COL4A6: variants seen among roughly 807,000 people sequenced by gnomAD.
COL4A6 encodes the protein collagen alpha-6(IV) chain.
Under a neutral mutation model 126.7 loss-of-function variants are expected in COL4A6, and 59 were observed. The observed-to-expected ratio is 0.47, with a 90% CI of 0.38 to 0.58. The LOEUF (loss-of-function observed/expected upper bound fraction) is 0.58, where lower values mean the gene tolerates loss of function less well. Among genes scored for constraint, COL4A6 ranks in the 20% least tolerant of loss-of-function variants. The probability of loss-of-function intolerance (pLI) is 0.00; values close to 1 mark genes in which losing one functional copy is unlikely to be tolerated. For missense variants in COL4A6, 1,285 were observed against 1,337.3 expected, an observed-to-expected ratio of 0.96 and a Z score of 0.61; for synonymous variants, 547 against 496.6, an observed-to-expected ratio of 1.10 and a Z score of -1.35.
Position 108,161,608 on chromosome X carries a change from C to CAAAAA in COL4A6, c.4333+10_4333+11insTTTTT. 1 of 689,105 alleles carries CAAAAA rather than the reference C, an allele frequency of 1.5e-6. No individual in the cohort carries two copies. The highest frequency in any genetic ancestry group is 2.1e-6 in the Non-Finnish European group (1 of 479,455). 56.8% of individuals were successfully genotyped at this position (689,105 alleles called of 1,213,427 possible). A position where few individuals can be genotyped will look rare whatever the true frequency, so the allele number is the denominator to read the frequency against. On this transcript the variant is annotated intron_variant, in intron 42 of 44. Coordinates refer to ENST00000334504, the MANE Select transcript of COL4A6 (RefSeq NM_033641.4). ...CCGCCCCGCCCGCCTCCTAATGTGGCATCATCAGACCTTCAAATCCTGGAG... is the reference window on the plus strand; with the variant it reads ...CCGCCCCGCCCGCCTCCTAATGTGGCAAAAAATCATCAGACCTTCAAATCCTGGAG...
chrX:108,184,695 T>C (rs2034799124), intron 23 of COL4A6, among the ~76,000 whole-genome samples: 1 of 112,382 alleles, frequency 8.9e-6, no homozygotes, highest in South Asian at 3.7e-4. Context: ...TCAGATCTCC[T>C]GTTGTAGCAA....
At chrX:108,232,308 T>TA (rs993304647) in intron 3 of COL4A6, among the ~76,000 whole-genome samples, 46 of 111,442 alleles carry the variant, frequency 4.1e-4, no homozygotes, top group African/African-American at 1.3e-3. Context: ...ATTGCAAGAA[T>TA]AAAAAAATCA....
At chrX:108,344,597 A>G (rs1039222865) in intron 2 of COL4A6, among the ~76,000 whole-genome samples, 1 of 112,039 alleles carries the variant, frequency 8.9e-6, no homozygotes, top group Non-Finnish European at 1.9e-5. Context: ...TAAGTCACAT[A>G]TTAAAAGCCA....
At chrX:108,196,952 G>A (rs1013252124) in intron 13 of COL4A6, among the ~76,000 whole-genome samples, 2 of 111,746 alleles carry the variant, frequency 1.8e-5, no homozygotes, top group Non-Finnish European at 3.8e-5. Flanking sequence ...TTTTCATTCC[G>A]GGGACTTTTC....
intron 31 of COL4A6, among the ~76,000 whole-genome samples, chrX:108,173,989 T>G (rs1415488058): frequency 8.9e-6 from 1 of 112,665 alleles, no homozygotes; most frequent in Non-Finnish European, 1.9e-5. Context: ...CAACATGAAA[T>G]GCTGGCAGTG....
At chrX:108,378,423 C>G (rs1041237619) in intron 2 of COL4A6, among the ~76,000 whole-genome samples, 9 of 111,966 alleles carry the variant, frequency 8.0e-5, no homozygotes, top group Admixed American at 2.8e-4. Context: ...AAAAAGTCTC[C>G]AGTACATGTA....
At chrX:108,202,822 T>G in intron 13 of COL4A6, 106 bp downstream of exon 13, 5 of 624,335 alleles carry the variant, frequency 8.0e-6, no homozygotes, top group Non-Finnish European at 1.1e-5. Context: ...GATGGTGGCA[T>G]TCTCTACAAT....
At chrX:108,340,273 G>T (rs896981358) in intron 2 of COL4A6, among the ~76,000 whole-genome samples, 1 of 111,131 alleles carries the variant, frequency 9.0e-6, no homozygotes, top group Non-Finnish European at 1.9e-5. Flanking sequence ...CTGAAATATG[G>T]CTAGTTCTAC....
intron 11 of COL4A6, 111 bp from the exon 12 acceptor site, chrX:108,204,523 G>A: frequency 1.5e-6 from 1 of 672,130 alleles, no homozygotes; most frequent in South Asian, 2.2e-5. Context: ...TCTTACTTTG[G>A]CCTCTTCACC....
At chrX:108,191,213 A>G (rs1236936782) in intron 19 of COL4A6, among the ~76,000 whole-genome samples, 180 bp downstream of exon 19, 2 of 112,251 alleles carry the variant, frequency 1.8e-5, no homozygotes, top group Non-Finnish European at 3.8e-5. Context: ...GTTATCAATA[A>G]CTGGTAGAGG....
chrX:108,436,341 A>G (rs1254728504), intron 2 of COL4A6, among the ~76,000 whole-genome samples: 1 of 112,761 alleles, frequency 8.9e-6, no homozygotes, highest in Non-Finnish European at 1.9e-5. Flanking sequence ...ACTCATTTCA[A>G]TACTTGAAAG....
intron 2 of COL4A6, among the ~76,000 whole-genome samples, chrX:108,357,360 G>A (rs1283463371): frequency 9.0e-6 from 1 of 111,190 alleles, no homozygotes; most frequent in Non-Finnish European, 1.9e-5. Flanking sequence ...CCAGAGCTAG[G>A]TGGCTTGTCA....
chrX:108,286,981 C>T (rs1029107914), intron 3 of COL4A6, among the ~76,000 whole-genome samples: 6 of 111,404 alleles, frequency 5.4e-5, no homozygotes, highest in African/African-American at 2.0e-4. Context: ...ATTTTGGACC[C>T]TGAATTGGAA....
Position 108,156,588 on chromosome X carries a change from G to T in COL4A6, c.*412C>A, listed in dbSNP as rs2033745404. The T allele has an allele frequency of 1.3e-5, 2 of 151,297 alleles. No homozygotes were observed. The highest frequency in any genetic ancestry group is 7.7e-5 in the Admixed American group (1 of 13,003). 12.5% of individuals were successfully genotyped at this position (151,297 alleles called of 1,213,427 possible). A position where few individuals can be genotyped will look rare whatever the true frequency, so the allele number is the denominator to read the frequency against. On this transcript the variant is annotated 3_prime_UTR_variant, in exon 45 of 45. Transcript: ENST00000334504. ...AGAGAATTTAAGTGTGGAAACACTG[G>T]GTTCTGGTTTAAGCCAAATAATGTG...
At position 108,161,556 on chromosome X, in the gene COL4A6, G is replaced by A; in HGVS notation, c.4333+63C>T. On this transcript the variant is annotated intron_variant, in intron 42 of 44. Coordinates refer to ENST00000334504, the MANE Select transcript of COL4A6 (RefSeq NM_033641.4). ...AGACTTGAAGTTTTACTCACCCCCA[G>A]CCTCAAACCCTCCCAGACCACCATC... The A allele has an allele frequency of 2.2e-5, 16 of 711,565 alleles. No homozygotes were observed. The South Asian group carries it at 4.2e-4, about 19-fold the overall frequency. 58.6% of individuals were successfully genotyped at this position (711,565 alleles called of 1,213,427 possible). A position where few individuals can be genotyped will look rare whatever the true frequency, so the allele number is the denominator to read the frequency against.
At chrX:108,298,781 A>T (rs1044589531) in intron 3 of COL4A6, among the ~76,000 whole-genome samples, 2 of 109,703 alleles carry the variant, frequency 1.8e-5, no homozygotes, top group Admixed American at 9.5e-5. Flanking sequence ...GGTGCCTCCA[A>T]GGGACCTTGG....
At position 108,180,576 on chromosome X, in the gene COL4A6, C is replaced by T; in HGVS notation, c.2070G>A (p.Gly690=). 1.7e-6 allele frequency: 2 copies of T among 1,206,368 alleles called. No individual in the cohort carries two copies. The highest frequency in any genetic ancestry group is 2.2e-6 in the Non-Finnish European group (2 of 894,016). Residue 690 remains glycine, a synonymous_variant, in exon 25 of 45, where the codon GGG becomes GGA. Transcript: ENST00000334504. ...RGLPGTPGQP[G]SSGSKGEPGS... ...CTGGCTCTCCTTTACTTCCACTTGA[C>T]CCAGGCTGGCCTGGGGTCCCAGGGA...
chrX:108,368,266 C>T lies in COL4A6; in HGVS notation c.64-57438G>A, dbSNP rs1338597833. Among the ~76,000 whole-genome samples the T allele has an allele frequency of 2.7e-5, 3 of 110,700 alleles. No homozygotes were observed. In the East Asian group the frequency reaches 8.5e-4, roughly 31 times the overall value. ...TATAGCAGTAAGTGAATTCTGCAGG[C>T]AATTATAAAACAATGTAAGTATTTG... On this transcript the variant is annotated intron_variant, in intron 2 of 44. Coordinates refer to ENST00000334504, the MANE Select transcript of COL4A6 (RefSeq NM_033641.4).
chrX:108,365,372 A>G, intron 2 of COL4A6, among the ~76,000 whole-genome samples: 1 of 112,171 alleles, frequency 8.9e-6, no homozygotes, highest in East Asian at 2.8e-4. Context: ...AAGCAATGAA[A>G]TAAGCAAGAA....
Sources: gnomAD v4.1 joint callset for allele counts (sites outside exome capture counted in the v4.1 genomes callset) on GRCh38, gnomAD v4.1.1 for gene constraint, MANE v1.5 for transcripts, NCBI Gene and HGNC (gene_info 2026-07-23, HGNC 2026-07-21) for gene names.